DPH6: variants seen among roughly 807,000 people sequenced by gnomAD.
The protein encoded by DPH6 is diphthine--ammonia ligase.
Under a neutral mutation model 38.2 loss-of-function variants are expected in DPH6, and 33 were observed. The ratio of observed to expected loss-of-function variants is 0.86; its 90% confidence interval spans 0.65 to 1.15. The LOEUF is 1.15. DPH6 is among the 50% of genes most tolerant of loss of function. The pLI, the probability that DPH6 is intolerant of heterozygous loss-of-function variation, is 0.00. For synonymous variants in DPH6, 108 were observed against 103.0 expected (o/e 1.05, Z -0.30); for missense variants, 325 against 320.0 (o/e 1.02, Z -0.12).
At chr15:35,456,586 C>T (rs2054000465) in intron 3 of DPH6, among the ~76,000 whole-genome samples, 1 of 151,664 alleles carries the variant, frequency 6.6e-6, no homozygotes, top group African/African-American at 2.4e-5. Flanking sequence ...CTCCAGGGTT[C>T]AAGCGATTCT....
At chr15:35,521,405 T>C in intron 3 of DPH6, 1 of 1,097,206 alleles carries the variant, frequency 9.1e-7, no homozygotes, top group Non-Finnish European at 1.1e-6. Flanking sequence ...ATCTGTAAGA[T>C]CCTCTAGGAA....
At chr15:35,310,771 C>T (rs551646966) in intron 3 of DPH6, among the ~76,000 whole-genome samples, 14 of 151,896 alleles carry the variant, frequency 9.2e-5, no homozygotes, top group South Asian at 4.2e-4. Flanking sequence ...ATAAATTGGC[C>T]GAGTGTGGTG....
At chr15:35,160,591 G>C in the DPH6 span, among the ~76,000 whole-genome samples, 1 of 151,620 alleles carries the variant, frequency 6.6e-6, no homozygotes, top group African/African-American at 2.4e-5. Context: ...GTAGTTTTTT[G>C]ACCCTCAGTC....
chr15:35,307,960 C>A (rs905007114), intron 3 of DPH6, among the ~76,000 whole-genome samples: 4 of 152,066 alleles, frequency 2.6e-5, no homozygotes, highest in Non-Finnish European at 5.9e-5. Flanking sequence ...AATAACTGCA[C>A]AATTAACCTC....
intron 3 of DPH6, among the ~76,000 whole-genome samples, chr15:35,467,075 A>T (rs888533192): frequency 3.9e-5 from 6 of 152,302 alleles, no homozygotes; most frequent in South Asian, 2.1e-4. Flanking sequence ...TTAAATAATA[A>T]ATTAAACTTA....
chr15:35,276,560 G>T (rs1237102829), intron 3 of DPH6, among the ~76,000 whole-genome samples: 1 of 152,156 alleles, frequency 6.6e-6, no homozygotes, highest in Non-Finnish European at 1.5e-5. Context: ...AATTTTTATA[G>T]TTTCAAGTCT....
chr15:35,428,728 C>T (rs1048301469), intron 5 of DPH6, among the ~76,000 whole-genome samples: 2 of 152,014 alleles, frequency 1.3e-5, no homozygotes, highest in Non-Finnish European at 2.9e-5. Flanking sequence ...TATAAAAATC[C>T]TCATTCTCGT....
chr15:35,450,625 T>C (rs1389404215), intron 5 of DPH6, 60 bp downstream of exon 5: 4 of 1,309,764 alleles, frequency 3.1e-6, no homozygotes, highest in Non-Finnish European at 4.4e-6. Flanking sequence ...AACTACTTAT[T>C]AGTGAACTGA....
At chr15:35,503,501 G>A (rs2054653924) in intron 3 of DPH6, among the ~76,000 whole-genome samples, 1 of 151,942 alleles carries the variant, frequency 6.6e-6, no homozygotes, top group African/African-American at 2.4e-5. Flanking sequence ...CCAAGACCAT[G>A]GAGAAAAACA....
chr15:35,181,937 TAATC>T, the DPH6 span: 2 of 152,080 alleles, frequency 1.3e-5, no homozygotes, highest in East Asian at 1.9e-4. Flanking sequence ...ATTTCTTTAT[TAATC>T]AATGTTGTAA....
chr15:35,462,884 T>C (rs982560073), intron 3 of DPH6, among the ~76,000 whole-genome samples: 1 of 152,174 alleles, frequency 6.6e-6, no homozygotes, highest in African/African-American at 2.4e-5. Context: ...AAAATTACAG[T>C]ATTTCTGTAC....
chr15:35,335,233 C>T, intron 3 of DPH6, among the ~76,000 whole-genome samples: 1 of 152,084 alleles, frequency 6.6e-6, no homozygotes, highest in Admixed American at 6.6e-5. Flanking sequence ...GTCCTTTGCC[C>T]ACTTTTTAAT....
chr15:35,522,721 A>C (rs1374892894), intron 3 of DPH6, among the ~76,000 whole-genome samples: 4 of 152,106 alleles, frequency 2.6e-5, no homozygotes, highest in Admixed American at 2.0e-4. Context: ...TTCAAAAGCA[A>C]TATATCCTCA....
At chr15:35,294,703 C>G (rs2052003304) in intron 3 of DPH6, among the ~76,000 whole-genome samples, 1 of 152,158 alleles carries the variant, frequency 6.6e-6, no homozygotes, top group South Asian at 2.1e-4. Context: ...AGAGCCTAGT[C>G]TAGCAAAGGA....
At chr15:35,207,176 A>G in the DPH6 span, among the ~76,000 whole-genome samples, 1 of 151,090 alleles carries the variant, frequency 6.6e-6, no homozygotes, top group Non-Finnish European at 1.5e-5. Context: ...CCTCCTAAGT[A>G]GAAGGGCCTA....
chr15:35,349,208 A>T (rs1232735100), intron 3 of DPH6, among the ~76,000 whole-genome samples: 23 of 152,154 alleles, frequency 1.5e-4, no homozygotes, highest in Admixed American at 1.4e-3. Flanking sequence ...AAGTGGTGAG[A>T]GAGGGCATCC....
intron 2 of DPH6, 84 bp from the exon 3 acceptor site, chr15:35,538,551 G>T: frequency 8.2e-7 from 1 of 1,214,152 alleles, no homozygotes; most frequent in Non-Finnish European, 1.1e-6. Context: ...TTTACTGCTT[G>T]AATAGTCGAC....
At chr15:35,423,114 T>A (rs566343314) in intron 5 of DPH6, among the ~76,000 whole-genome samples, 1 of 152,042 alleles carries the variant, frequency 6.6e-6, no homozygotes, top group African/African-American at 2.4e-5. Flanking sequence ...AGTTACATTT[T>A]AAAAATTTTG....
chr15:35,517,969 CAGAAG>C (rs890726282), intron 3 of DPH6, among the ~76,000 whole-genome samples: 1 of 151,834 alleles, frequency 6.6e-6, no homozygotes, highest in African/African-American at 2.4e-5. Flanking sequence ...TGAATTATGC[CAGAAG>C]TATGTTTGTT....
Sources: allele counts gnomAD v4.1 joint callset (sites outside exome capture counted in the v4.1 genomes callset), GRCh38; gene constraint gnomAD v4.1.1; transcripts MANE v1.5; gene names NCBI Gene and HGNC (gene_info 2026-07-23, HGNC 2026-07-21).